The following PAK1 variants were observed in gnomAD, a reference collection of about 807,000 sequenced individuals.
The protein encoded by PAK1 is serine/threonine-protein kinase PAK 1.
A neutral mutation model predicts 67.4 loss-of-function variants in PAK1; 29 were observed. That is an observed-to-expected ratio of 0.43 (90% CI 0.32 to 0.59). The LOEUF (loss-of-function observed/expected upper bound fraction) is 0.59, where lower values mean the gene tolerates loss of function less well. Among genes scored for constraint, PAK1 ranks in the 20% least tolerant of loss-of-function variants. The pLI, the probability that PAK1 is intolerant of heterozygous loss-of-function variation, is 0.07. For synonymous variants in PAK1, 223 were observed against 237.4 expected, an observed-to-expected ratio of 0.94 and a Z score of 0.56; for missense variants, 337 against 670.7, an observed-to-expected ratio of 0.50 and a Z score of 5.50.
chr11:77,393,577 G>A (rs772616401), intron 1 of PAK1, among the ~76,000 whole-genome samples: 5 of 152,122 alleles, frequency 3.3e-5, no homozygotes, highest in Non-Finnish European at 7.4e-5. Context: ...AATTACAGGC[G>A]AGAGCCACTG....
intron 14 of PAK1, among the ~76,000 whole-genome samples, chr11:77,332,472 A>G (rs1385751044): frequency 6.6e-6 from 1 of 150,598 alleles, no homozygotes; most frequent in East Asian, 2.0e-4. Flanking sequence ...AGCTACAAGC[A>G]AAGCTCAATA....
chr11:77,497,676 T>A, the PAK1 span, among the ~76,000 whole-genome samples: 1 of 152,166 alleles, frequency 6.6e-6, no homozygotes, highest in Non-Finnish European at 1.5e-5. Context: ...CAGCAGCATG[T>A]AGGGAGTCAG....
rs566874549 is a variant in PAK1 at position 77,429,056 on chromosome 11, T to TAAAAAAAAAAAA, written c.-21-36527_-21-36516dup. Among the ~76,000 whole-genome samples, 54 of 48,986 alleles carry TAAAAAAAAAAAA rather than the reference T, an allele frequency of 1.1e-3. 14 individuals are homozygous for TAAAAAAAAAAAA. Among genetic ancestry groups the TAAAAAAAAAAAA allele is most frequent in the East Asian group, 3.3e-3 (4 of 1,206 alleles). 32.1% of individuals were successfully genotyped at this position (48,986 alleles called of 152,430 possible). ...TTGGATTCTAAATGCCATTTAATAC[T>TAAAAAAAAAAAA]AAAAAAAAAAAAAAAAAAAAAAAAA... On this transcript the variant is annotated intron_variant, in intron 1 of 14. Coordinates refer to ENST00000356341, the MANE Select transcript of PAK1 (RefSeq NM_002576.5).
intron 1 of PAK1, among the ~76,000 whole-genome samples, chr11:77,471,912 C>T (rs894669405): frequency 6.6e-6 from 1 of 152,146 alleles, no homozygotes; most frequent in African/African-American, 2.4e-5. Context: ...AGGTCACCTT[C>T]CCTGCAGGAC....
chr11:77,527,082 T>G, the PAK1 span, among the ~76,000 whole-genome samples: 1 of 152,124 alleles, frequency 6.6e-6, no homozygotes, highest in African/African-American at 2.4e-5. Flanking sequence ...TGGATTGGTA[T>G]AAGGTAGTTA....
At chr11:77,384,188 T>A (rs1178811830) in intron 2 of PAK1, among the ~76,000 whole-genome samples, 1 of 152,184 alleles carries the variant, frequency 6.6e-6, no homozygotes, top group East Asian at 1.9e-4. Context: ...CTTTCTTCCA[T>A]CTTTCCACCT....
intron 1 of PAK1, among the ~76,000 whole-genome samples, chr11:77,416,964 A>C (rs1954996390): frequency 6.6e-6 from 1 of 152,200 alleles, no homozygotes; most frequent in Non-Finnish European, 1.5e-5. Flanking sequence ...AAAAAAAAAA[A>C]AAGTACATAT....
At chr11:77,519,261 C>T in the PAK1 span, among the ~76,000 whole-genome samples, 3 of 152,104 alleles carry the variant, frequency 2.0e-5, no homozygotes, top group Non-Finnish European at 2.9e-5. Flanking sequence ...CCAGCTCTAC[C>T]CCACCCTTTT....
At chr11:77,353,504 T>C in intron 8 of PAK1, 32 bp downstream of exon 8, 1 of 1,512,972 alleles carries the variant, frequency 6.6e-7, no homozygotes, top group Non-Finnish European at 9.2e-7. Flanking sequence ...TTTAAAGTCA[T>C]TTCTCCAGGG....
chr11:77,497,722 C>G, the PAK1 span, among the ~76,000 whole-genome samples: 1 of 152,226 alleles, frequency 6.6e-6, no homozygotes, highest in South Asian at 2.1e-4. Flanking sequence ...CAGTACATCA[C>G]TATGGAAGGA....
At chr11:77,324,687 G>A (rs569703211) in intron 14 of PAK1, among the ~76,000 whole-genome samples, 11 of 151,886 alleles carry the variant, frequency 7.2e-5, no homozygotes, top group African/African-American at 2.2e-4. Flanking sequence ...CAACTCACAT[G>A]AGCATATCTG....
intron 14 of PAK1, among the ~76,000 whole-genome samples, chr11:77,327,699 A>G (rs1161376233): frequency 2.0e-5 from 3 of 152,258 alleles, no homozygotes; most frequent in Non-Finnish European, 4.4e-5. Flanking sequence ...TGTAAAGACC[A>G]TCAAGGCTAG....
At chr11:77,332,930 A>G (rs1181675925) in intron 13 of PAK1, 63 bp from the exon 14 acceptor site, 3 of 1,502,892 alleles carry the variant, frequency 2.0e-6, no homozygotes, top group Non-Finnish European at 1.8e-6. Context: ...TTCCCCATAT[A>G]CAAGTTCTAG....
intron 14 of PAK1, chr11:77,325,389 G>A (rs1190847215): frequency 1.2e-6 from 2 of 1,612,568 alleles, no homozygotes; most frequent in Non-Finnish European, 1.7e-6. Flanking sequence ...GTAAAAATGA[G>A]AATAGAACCT....
At chr11:77,518,670 T>A in the PAK1 span, among the ~76,000 whole-genome samples, 5 of 152,154 alleles carry the variant, frequency 3.3e-5, no homozygotes, top group Middle Eastern at 3.2e-3. Context: ...GATCTCATCA[T>A]CTGAAGTGTC....
chr11:77,440,572 C>G (rs1238275009), intron 1 of PAK1, among the ~76,000 whole-genome samples: 1 of 152,130 alleles, frequency 6.6e-6, no homozygotes, highest in African/African-American at 2.4e-5. Context: ...AAACCTGGAA[C>G]TTGACTCACC....
chr11:77,445,871 C>T (rs942343857), intron 1 of PAK1, among the ~76,000 whole-genome samples: 9 of 152,124 alleles, frequency 5.9e-5, no homozygotes, highest in East Asian at 1.9e-4. Flanking sequence ...CTCCCTTGTC[C>T]GTTGTATTAG....
At chr11:77,500,091 A>T in the PAK1 span, among the ~76,000 whole-genome samples, 9,263 of 152,338 alleles carry the variant, frequency 0.061, 544 homozygotes, top group East Asian at 0.2. Context: ...GTTCATAAAA[A>T]TGAAAATTCA....
intron 1 of PAK1, chr11:77,408,256 T>C (rs1427380742): frequency 2.0e-5 from 3 of 152,122 alleles, no homozygotes; most frequent in African/African-American, 2.4e-5. Context: ...TAGCATAGAG[T>C]AGATGGTTCA....
Sources: allele counts gnomAD v4.1 joint callset (sites outside exome capture counted in the v4.1 genomes callset), GRCh38; gene constraint gnomAD v4.1.1; transcripts MANE v1.5; gene names NCBI Gene and HGNC (gene_info 2026-07-23, HGNC 2026-07-21).